The following CFAP61 variants were observed in gnomAD, a reference collection of about 807,000 sequenced individuals.
CFAP61 encodes the protein cilia and flagella associated protein 61.
Under a neutral mutation model 135.6 loss-of-function variants are expected in CFAP61, and 107 were observed. The ratio of observed to expected loss-of-function variants is 0.79; its 90% CI spans 0.67 to 0.93. The LOEUF is 0.93. Ranked by LOEUF, CFAP61 falls within the 40% of genes least tolerant of loss-of-function variation. CFAP61 has a pLI of 0.00. For missense variants in CFAP61, 1,507 were observed against 1,556.2 expected (o/e 0.97, Z 0.53); for synonymous variants, 575 against 578.5 (o/e 0.99, Z 0.09).
intron 19 of CFAP61, among the ~76,000 whole-genome samples, chr20:20,246,526 G>A (rs2050471905): frequency 6.6e-6 from 1 of 152,206 alleles, no homozygotes; most frequent in South Asian, 2.1e-4. Context: ...GGCAATGAAG[G>A]TTGGTGACTA....
chr20:20,109,840 C>T (rs920949859), intron 8 of CFAP61, among the ~76,000 whole-genome samples: 4 of 151,746 alleles, frequency 2.6e-5, no homozygotes, highest in Non-Finnish European at 5.9e-5. Flanking sequence ...ATTTTGTGAC[C>T]TCTTTCTCCT....
In CFAP61 at chr20:20,196,697, T is replaced by G; in HGVS notation, c.1718T>G (p.Phe573Cys). The change falls in exon 16 of 27, where the codon TTC becomes TGC. Residue 573 changes from phenylalanine to cysteine, a missense_variant. Phe to Cys is a radical substitution (Grantham distance 205). Transcript: ENST00000245957. ...LNPIFRHYTK[F>C]FLKEILRLGF... ...CCCATTTTCCGGCACTACACCAAGT[T>G]CTTTCTGAAGGAGATCCTGCGTTTA... 6.2e-7 allele frequency: 1 copy of G among 1,614,150 alleles called. No individual in the cohort carries two copies. Among genetic ancestry groups the G allele is most frequent in the Non-Finnish European group, 8.5e-7 (1 of 1,180,026 alleles).
chr20:20,321,676 T>G (rs2057525270), intron 25 of CFAP61, among the ~76,000 whole-genome samples: 1 of 152,160 alleles, frequency 6.6e-6, no homozygotes, highest in African/African-American at 2.4e-5. Context: ...ATGTTTACGT[T>G]GCAAGCCCCA....
At chr20:20,125,720 T>C (rs571885029) in intron 8 of CFAP61, among the ~76,000 whole-genome samples, 1 of 151,940 alleles carries the variant, frequency 6.6e-6, no homozygotes, top group Non-Finnish European at 1.5e-5. Flanking sequence ...TCTGTATGTA[T>C]CTGTTAAGTC....
At chr20:20,266,901 G>T (rs1313457333) in intron 21 of CFAP61, among the ~76,000 whole-genome samples, 4 of 152,120 alleles carry the variant, frequency 2.6e-5, no homozygotes, top group Non-Finnish European at 5.9e-5. Flanking sequence ...GCCATACTCA[G>T]GACAGTCTCT....
intron 24 of CFAP61, among the ~76,000 whole-genome samples, chr20:20,292,784 C>T (rs1023371230): frequency 6.6e-6 from 1 of 152,084 alleles, no homozygotes; most frequent in Non-Finnish European, 1.5e-5. Flanking sequence ...CTCTGGGCTC[C>T]AAGTGCAAGT....
intron 17 of CFAP61, among the ~76,000 whole-genome samples, chr20:20,227,939 T>TA (rs1270324421): frequency 6.6e-6 from 1 of 152,234 alleles, no homozygotes; most frequent in Non-Finnish European, 1.5e-5. Context: ...CTTGTAGTGT[T>TA]ACTTACTAGT....
At chr20:20,262,615 C>T (rs1379009003) in intron 20 of CFAP61, among the ~76,000 whole-genome samples, 2 of 152,178 alleles carry the variant, frequency 1.3e-5, no homozygotes, top group East Asian at 1.9e-4. Flanking sequence ...AGCTGAGGCC[C>T]CAGACATGGT....
intron 18 of CFAP61, among the ~76,000 whole-genome samples, chr20:20,230,659 G>A (rs1437508794): frequency 4.6e-5 from 7 of 152,110 alleles, no homozygotes; most frequent in African/African-American, 1.7e-4. Context: ...AGGTTCAAGC[G>A]ATTCTCTTGC....
chr20:20,088,776 C>T (rs1163169923), intron 6 of CFAP61, among the ~76,000 whole-genome samples: 1 of 152,110 alleles, frequency 6.6e-6, no homozygotes, highest in African/African-American at 2.4e-5. Context: ...TTGGCTGGCT[C>T]CCTCCTTCCC....
intron 9 of CFAP61, among the ~76,000 whole-genome samples, chr20:20,150,444 A>G (rs867794995): frequency 2.6e-5 from 4 of 152,328 alleles, no homozygotes; most frequent in African/African-American, 7.2e-5. Flanking sequence ...CTTGAGGCCA[A>G]CCAACTCAGG....
rs374943716 is a variant in CFAP61, at chr20:20,073,924, C to T, written c.295-378C>T. Reference sequence around the variant, plus strand: ...GCAGCAGCTGCTGACTCAAGAGCGCCGGGAAAAGGGTGATTGTCTTTCACT... The same window carrying T: ...GCAGCAGCTGCTGACTCAAGAGCGCTGGGAAAAGGGTGATTGTCTTTCACT... On this transcript the variant is annotated intron_variant, in intron 3 of 26. Coordinates refer to ENST00000245957, the MANE Select transcript of CFAP61 (RefSeq NM_015585.4). 17 of 187,036 alleles carry T rather than the reference C, an allele frequency of 9.1e-5. 1 individual carries two copies. The highest frequency in any genetic ancestry group is 3.3e-4 in the African/African-American group (14 of 42,774). 11.6% of individuals were successfully genotyped at this position (187,036 alleles called of 1,614,324 possible).
chr20:20,074,395 G>A lies in CFAP61; in HGVS notation c.371+17G>A, dbSNP rs370062767. The A allele has an allele frequency of 2.1e-5, 34 of 1,602,100 alleles. No individual in the cohort carries two copies. In the East Asian group the frequency reaches 3.1e-4, roughly 15 times the overall value. On this transcript the variant is annotated intron_variant, in intron 4 of 26. Coordinates refer to ENST00000245957, the MANE Select transcript of CFAP61 (RefSeq NM_015585.4). Reference sequence around the variant, plus strand: ...GATTCTTCGGTGAGTGGATATGGCCGTGCAGTGGTGAACATGAAAGAGACT... The same window carrying A: ...GATTCTTCGGTGAGTGGATATGGCCATGCAGTGGTGAACATGAAAGAGACT...
intron 25 of CFAP61, among the ~76,000 whole-genome samples, chr20:20,298,700 G>A (rs1304555074): frequency 6.6e-6 from 1 of 152,206 alleles, no homozygotes; most frequent in Non-Finnish European, 1.5e-5. Flanking sequence ...GCTAAGAGCA[G>A]TGGTCAGAAA....
At position 20,115,474 on chromosome 20, in the gene CFAP61, T is replaced by C. The variant is rs552711492; in HGVS notation, c.859+16660T>C. On this transcript the variant is annotated intron_variant, in intron 8 of 26. Transcript: ENST00000245957. The stretch of plus-strand genomic sequence containing the variant: ...ATTCTCTTCTAGCTATTTTGAAATA[T>C]ATAATAGATTATTATAAACTATAGG... Among the ~76,000 whole-genome samples, 26 of 152,180 alleles carry C rather than the reference T, an allele frequency of 1.7e-4. No individual in the cohort carries two copies. In the East Asian group the frequency reaches 2.9e-3, roughly 17 times the overall value.
intron 13 of CFAP61, among the ~76,000 whole-genome samples, chr20:20,179,723 G>A (rs2054906838): frequency 6.6e-6 from 1 of 152,070 alleles, no homozygotes; most frequent in Admixed American, 6.6e-5. Flanking sequence ...CCAGAAATAA[G>A]CCTGTACACC....
chr20:20,324,514 C>T (rs769683879), intron 25 of CFAP61, among the ~76,000 whole-genome samples: 7 of 152,074 alleles, frequency 4.6e-5, no homozygotes, highest in Non-Finnish European at 7.4e-5. Context: ...GATTTTTCTA[C>T]TAATGAACAT....
chr20:20,231,982 T>C (rs1200131670), intron 18 of CFAP61, among the ~76,000 whole-genome samples: 2 of 152,196 alleles, frequency 1.3e-5, no homozygotes, highest in African/African-American at 4.8e-5. Context: ...GCTCGGACAC[T>C]ATGATGTCAC....
At chr20:20,179,220 C>G (rs1379295448) in intron 13 of CFAP61, among the ~76,000 whole-genome samples, 6 of 152,122 alleles carry the variant, frequency 3.9e-5, no homozygotes, top group Non-Finnish European at 8.8e-5. Flanking sequence ...CACTAATATT[C>G]CTATACACCA....
Sources: gnomAD v4.1 joint callset for allele counts (sites outside exome capture counted in the v4.1 genomes callset) on GRCh38, gnomAD v4.1.1 for gene constraint, MANE v1.5 for transcripts, NCBI Gene and HGNC (gene_info 2026-07-23, HGNC 2026-07-21) for gene names.